The following AMOTL1 variants were observed in gnomAD, a reference collection of about 807,000 sequenced individuals.
AMOTL1 encodes angiomotin like 1, also known as angiomotin-like protein 1.
In AMOTL1, 45 loss-of-function variants were observed where a neutral mutation model predicts 102.9. The ratio of observed to expected loss-of-function variants is 0.44; its 90% CI spans 0.34 to 0.56. The LOEUF is 0.56. Ranked by LOEUF, AMOTL1 falls within the 20% of genes least tolerant of loss-of-function variation. The pLI, the probability that AMOTL1 is intolerant of heterozygous loss-of-function variation, is 0.01. For missense variants in AMOTL1, 1,114 were observed against 1,225.6 expected (o/e 0.91, Z 1.36); for synonymous variants, 481 against 484.7 (o/e 0.99, Z 0.10).
intron 9 of AMOTL1, among the ~76,000 whole-genome samples, chr11:94,863,063 T>G (rs1042782859): frequency 2.6e-5 from 4 of 152,186 alleles, no homozygotes; most frequent in Non-Finnish European, 5.9e-5. Flanking sequence ...GAATCCATTT[T>G]CACTATTCAC....
intron 1 of AMOTL1, among the ~76,000 whole-genome samples, chr11:94,714,118 C>A (rs776219189): frequency 4.6e-5 from 7 of 151,978 alleles, no homozygotes; most frequent in Non-Finnish European, 1.0e-4. Context: ...TTGTTACATG[C>A]TTTTCGTGCA....
At position 94,811,454 on chromosome 11, in the gene AMOTL1, C is replaced by T. The variant is rs530519053; in HGVS notation, c.1122-10076C>T. Among the ~76,000 whole-genome samples the T allele has an allele frequency of 2.0e-5, 3 of 152,116 alleles. No individual in the cohort carries two copies. In the South Asian group the frequency reaches 6.2e-4, roughly 32 times the overall value. On this transcript the variant is annotated intron_variant, in intron 3 of 12. Coordinates refer to ENST00000433060, the MANE Select transcript of AMOTL1 (RefSeq NM_130847.3). ...AGGTTGCAGTAAGTCAAGATTAATG[C>T]CACTGCACTCCAGCCTGGGCGACAG...
At chr11:94,869,638 G>A (rs907410911) in intron 12 of AMOTL1, among the ~76,000 whole-genome samples, 165 bp downstream of exon 12, 4 of 152,190 alleles carry the variant, frequency 2.6e-5, no homozygotes, top group African/African-American at 4.8e-5. Flanking sequence ...CTTATTACGG[G>A]AATAAATATG....
intron 9 of AMOTL1, 35 bp downstream of exon 9, chr11:94,859,750 A>T: frequency 6.5e-7 from 1 of 1,542,568 alleles, no homozygotes; most frequent in Non-Finnish European, 8.8e-7. Flanking sequence ...TCATAAAAGC[A>T]CAGTTAAAAA....
chr11:94,761,985 C>A (rs970174625), intron 3 of AMOTL1, among the ~76,000 whole-genome samples: 3 of 152,098 alleles, frequency 2.0e-5, no homozygotes, highest in Non-Finnish European at 4.4e-5. Context: ...TACAAGGGTT[C>A]TTTAGGGTGA....
intron 3 of AMOTL1, among the ~76,000 whole-genome samples, chr11:94,757,547 T>C (rs1296197815): frequency 6.6e-6 from 1 of 151,970 alleles, no homozygotes; most frequent in Non-Finnish European, 1.5e-5. Flanking sequence ...CTGAGAATAA[T>C]GCTTACATGG....
intron 1 of AMOTL1, among the ~76,000 whole-genome samples, chr11:94,719,162 T>G (rs546657435): frequency 1.6e-3 from 240 of 152,274 alleles, no homozygotes; most frequent in African/African-American, 5.5e-3. Flanking sequence ...ATTTTTTTCA[T>G]ATACTACATC....
intron 1 of AMOTL1, among the ~76,000 whole-genome samples, chr11:94,711,927 A>T (rs889585862): frequency 3.3e-5 from 5 of 152,104 alleles, no homozygotes; most frequent in African/African-American, 1.2e-4. Flanking sequence ...TTTTTGCATG[A>T]ACATAAATTT....
At chr11:94,750,617 C>T (rs1201828731) in intron 3 of AMOTL1, among the ~76,000 whole-genome samples, 2 of 152,190 alleles carry the variant, frequency 1.3e-5, no homozygotes, top group Non-Finnish European at 2.9e-5. Flanking sequence ...GCCTTGCTCC[C>T]GTGATGTACC....
At chr11:94,856,244 G>A (rs1424460270) in intron 8 of AMOTL1, among the ~76,000 whole-genome samples, 1 of 151,982 alleles carries the variant, frequency 6.6e-6, no homozygotes, top group African/African-American at 2.4e-5. Context: ...GGTTTAGGAT[G>A]CTCAATCTTA....
intron 2 of AMOTL1, among the ~76,000 whole-genome samples, chr11:94,735,736 G>A (rs1327831707): frequency 6.6e-6 from 1 of 152,194 alleles, no homozygotes; most frequent in African/African-American, 2.4e-5. Flanking sequence ...ATAAGAAGTT[G>A]TGGATGGTTT....
rs1055507723 is a variant in AMOTL1 at position 94,872,687 on chromosome 11, A to G, written c.*1892A>G. ...GCACTGCACATTGTGCCACCTGCTC[A>G]TCACCTCCTCTAGTCTCACACTGAG... On this transcript the variant is annotated 3_prime_UTR_variant, in exon 13 of 13. Transcript: ENST00000433060. 9 of 152,226 alleles carry G rather than the reference A, an allele frequency of 5.9e-5. No individual in the cohort carries two copies. Among genetic ancestry groups the G allele is most frequent in the Non-Finnish European group, 1.3e-4 (9 of 68,084 alleles). The allele number at this position is 152,226 out of a possible 1,614,324, so 9.4% of individuals were successfully genotyped here.
intron 1 of AMOTL1, among the ~76,000 whole-genome samples, chr11:94,784,361 T>C (rs1358096173): frequency 3.9e-5 from 6 of 152,218 alleles, no homozygotes; most frequent in African/African-American, 1.4e-4. Flanking sequence ...CATCATGTTG[T>C]TGAAATGAGT....
In AMOTL1 at chr11:94,850,272, T is replaced by TGTGGGGATTTG. The variant is rs755447662; in HGVS notation, c.1794+21_1794+31dup. The TGTGGGGATTTG allele has an allele frequency of 1.0e-5, 16 of 1,585,888 alleles. No homozygotes were observed. In the African/African-American group the frequency reaches 1.9e-4, roughly 19 times the overall value. ...GCTGGAAGAGGAGGTGAGACCAGGC[T>TGTGGGGATTTG]GTGGGGATTTGGTGGGGAAGAGGGC... On this transcript the variant is annotated intron_variant, in intron 7 of 12. Transcript: ENST00000433060.
chr11:94,726,735 A>G (rs1428250685), intron 1 of AMOTL1, among the ~76,000 whole-genome samples: 1 of 152,192 alleles, frequency 6.6e-6, no homozygotes, highest in Non-Finnish European at 1.5e-5. Flanking sequence ...GTTATTTTAT[A>G]TGGCCTGAGG....
chr11:94,716,104 T>G (rs1950091740), intron 1 of AMOTL1, among the ~76,000 whole-genome samples: 1 of 152,190 alleles, frequency 6.6e-6, no homozygotes, highest in Non-Finnish European at 1.5e-5. Context: ...TTAAGTTCAC[T>G]GATTCTGTCT....
intron 3 of AMOTL1, among the ~76,000 whole-genome samples, chr11:94,812,676 C>T (rs555028086): frequency 2.6e-5 from 4 of 152,370 alleles, no homozygotes; most frequent in South Asian, 4.1e-4. Context: ...AAATAGGAGG[C>T]GGGTTTGCCT....
At chr11:94,776,977 T>C (rs1951033861) in intron 1 of AMOTL1, among the ~76,000 whole-genome samples, 1 of 152,240 alleles carries the variant, frequency 6.6e-6, no homozygotes, top group Admixed American at 6.5e-5. Flanking sequence ...AAATGTGCTT[T>C]TTATGGAAAT....
At chr11:94,838,186 CTG>C (rs1453592823) in intron 6 of AMOTL1, among the ~76,000 whole-genome samples, 2 of 152,208 alleles carry the variant, frequency 1.3e-5, no homozygotes, top group African/African-American at 4.8e-5. Flanking sequence ...CCCCACTAAA[CTG>C]TACACACCAT....
Sources: allele counts gnomAD v4.1 joint callset (sites outside exome capture counted in the v4.1 genomes callset), GRCh38; gene constraint gnomAD v4.1.1; transcripts MANE v1.5; gene names NCBI Gene and HGNC (gene_info 2026-07-23, HGNC 2026-07-21).